SGCZ: variants seen among roughly 807,000 people sequenced by gnomAD.
The protein encoded by SGCZ is sarcoglycan zeta, also known as zeta-sarcoglycan.
A neutral mutation model predicts 41.3 loss-of-function variants in SGCZ; 40 were observed. The ratio of observed to expected loss-of-function variants is 0.97; its 90% CI spans 0.75 to 1.26. The LOEUF (loss-of-function observed/expected upper bound fraction) is 1.26. Ranked by LOEUF, SGCZ falls within the 50% of genes most tolerant of loss-of-function variation. The pLI is 0.00. For synonymous variants in SGCZ, 206 were observed against 137.5 expected, an observed-to-expected ratio of 1.50 and a Z score of -3.49; for missense variants, 552 against 369.8, an observed-to-expected ratio of 1.49 and a Z score of -4.04.
At chr8:14,364,821 C>A (rs916470778) in intron 2 of SGCZ, among the ~76,000 whole-genome samples, 6 of 151,954 alleles carry the variant, frequency 3.9e-5, no homozygotes, top group Non-Finnish European at 8.8e-5. Flanking sequence ...AATCTTTGCC[C>A]ATGGTGTTCT....
chr8:14,318,086 G>T (rs1397416900), intron 3 of SGCZ, among the ~76,000 whole-genome samples: 1 of 151,802 alleles, frequency 6.6e-6, no homozygotes, highest in Non-Finnish European at 1.5e-5. Context: ...CAGTGTATAA[G>T]AAAGGTTGTA....
intron 1 of SGCZ, among the ~76,000 whole-genome samples, chr8:14,693,311 A>T (rs1207932025): frequency 4.1e-5 from 6 of 146,900 alleles, no homozygotes; most frequent in African/African-American, 1.5e-4. Flanking sequence ...TTTTTCCCCC[A>T]GATGAAATCT....
chr8:14,982,782 G>C (rs1315512054), intron 1 of SGCZ, among the ~76,000 whole-genome samples: 1 of 151,980 alleles, frequency 6.6e-6, no homozygotes, highest in Non-Finnish European at 1.5e-5. Flanking sequence ...TATAATTCAG[G>C]GGTGGGTGAC....
chr8:14,894,190 T>C (rs1805115342), intron 1 of SGCZ, among the ~76,000 whole-genome samples: 1 of 152,194 alleles, frequency 6.6e-6, no homozygotes, highest in South Asian at 2.1e-4. Flanking sequence ...TCATAGTACT[T>C]AAACTTTGCT....
At chr8:14,991,057 T>C (rs1801998774) in intron 1 of SGCZ, among the ~76,000 whole-genome samples, 1 of 152,196 alleles carries the variant, frequency 6.6e-6, no homozygotes, top group Non-Finnish European at 1.5e-5. Context: ...TACTGATCAT[T>C]AAAAATTTTC....
At chr8:14,741,090 C>G (rs1799186121) in intron 1 of SGCZ, among the ~76,000 whole-genome samples, 1 of 151,966 alleles carries the variant, frequency 6.6e-6, no homozygotes, top group Non-Finnish European at 1.5e-5. Flanking sequence ...ACTGCAGTAA[C>G]TAGAAAAACA....
intron 1 of SGCZ, among the ~76,000 whole-genome samples, chr8:14,832,228 G>T (rs570768886): frequency 6.6e-6 from 1 of 151,980 alleles, no homozygotes; most frequent in South Asian, 2.1e-4. Flanking sequence ...TTGCTTTCTT[G>T]TGTTATTTGA....
chr8:14,348,594 A>C (rs1161749513), intron 2 of SGCZ, among the ~76,000 whole-genome samples: 1 of 152,138 alleles, frequency 6.6e-6, no homozygotes, highest in Non-Finnish European at 1.5e-5. Context: ...CATACAACTG[A>C]AACTTGGCAT....
At chr8:14,518,162 TA>T (rs1802680901) in intron 2 of SGCZ, among the ~76,000 whole-genome samples, 1 of 152,038 alleles carries the variant, frequency 6.6e-6, no homozygotes, top group Non-Finnish European at 1.5e-5. Flanking sequence ...CAGTAAGGTT[TA>T]AATTTTTTAA....
chr8:14,504,386 C>T (rs899557544), intron 2 of SGCZ, among the ~76,000 whole-genome samples: 3 of 152,162 alleles, frequency 2.0e-5, no homozygotes, highest in Non-Finnish European at 4.4e-5. Context: ...ATTAAGGAAA[C>T]CTTCATAAAA....
intron 1 of SGCZ, among the ~76,000 whole-genome samples, chr8:15,055,559 C>A (rs989827432): frequency 6.6e-6 from 1 of 152,158 alleles, no homozygotes; most frequent in African/African-American, 2.4e-5. Context: ...AAGCACGAAC[C>A]ATTTCCAGGC....
At chr8:14,204,032 G>A (rs992482717) in intron 4 of SGCZ, among the ~76,000 whole-genome samples, 1 of 152,000 alleles carries the variant, frequency 6.6e-6, no homozygotes, top group African/African-American at 2.4e-5. Context: ...GGAGAGGGGA[G>A]ACAGCCTGGT....
intron 4 of SGCZ, among the ~76,000 whole-genome samples, chr8:14,220,593 A>T (rs2054429): frequency 3.3e-5 from 5 of 151,778 alleles, no homozygotes; most frequent in Admixed American, 3.3e-4. Flanking sequence ...CAGCCTGACC[A>T]ACATGTTGAA....
chr8:14,915,630 G>A (rs1035095860), intron 1 of SGCZ, among the ~76,000 whole-genome samples: 4 of 152,076 alleles, frequency 2.6e-5, no homozygotes, highest in African/African-American at 7.2e-5. Flanking sequence ...ATTAGGGCAC[G>A]GCGACCAGCC....
chr8:14,920,080 GACTA>G (rs1405924813), intron 1 of SGCZ, among the ~76,000 whole-genome samples: 3 of 152,092 alleles, frequency 2.0e-5, no homozygotes, highest in African/African-American at 4.8e-5. Flanking sequence ...TAAATAATCA[GACTA>G]ACTGCCATTT....
intron 3 of SGCZ, among the ~76,000 whole-genome samples, chr8:14,317,019 T>C (rs1353172470): frequency 1.3e-5 from 2 of 152,030 alleles, no homozygotes; most frequent in African/African-American, 4.8e-5. Context: ...CAAAAAATCT[T>C]GACATCATGT....
chr8:14,969,701 T>C (rs1003355788), intron 1 of SGCZ, among the ~76,000 whole-genome samples: 2 of 152,104 alleles, frequency 1.3e-5, no homozygotes, highest in African/African-American at 2.4e-5. Context: ...ACATTCATGT[T>C]GTGTCATATG....
intron 1 of SGCZ, among the ~76,000 whole-genome samples, chr8:14,932,845 A>T (rs920327038): frequency 6.6e-6 from 1 of 152,086 alleles, no homozygotes; most frequent in African/African-American, 2.4e-5. Context: ...AAAAAATGTC[A>T]AAGTCCAAAA....
At chr8:15,103,975 G>C (rs1806716191) in intron 1 of SGCZ, among the ~76,000 whole-genome samples, 2 of 152,170 alleles carry the variant, frequency 1.3e-5, no homozygotes, top group East Asian at 3.9e-4. Context: ...CCCCTTTTAA[G>C]TGACCGTACG....
Sources: allele counts gnomAD v4.1 joint callset (sites outside exome capture counted in the v4.1 genomes callset), GRCh38; gene constraint gnomAD v4.1.1; transcripts MANE v1.5; gene names NCBI Gene and HGNC (gene_info 2026-07-23, HGNC 2026-07-21).